The following SPCS1 variants were observed in gnomAD, a reference collection of about 807,000 sequenced individuals.
SPCS1 encodes the protein SPase 12 kDa subunit.
SPCS1 carries 10 observed loss-of-function variants against 16.4 expected under a neutral mutation model. That is an observed-to-expected ratio of 0.61 (90% CI 0.38 to 1.03). The LOEUF (loss-of-function observed/expected upper bound fraction) is 1.03, where lower values mean the gene tolerates loss of function less well. SPCS1 is among the 50% of genes least tolerant of loss of function. The pLI, the probability that SPCS1 is intolerant of heterozygous loss-of-function variation, is 0.01. For missense variants in SPCS1, 118 were observed against 123.8 expected, an observed-to-expected ratio of 0.95 and a Z score of 0.22; for synonymous variants, 47 against 42.5, an observed-to-expected ratio of 1.10 and a Z score of -0.41.
chr3:52,707,410 C>A, intron 3 of SPCS1: 1 of 295,360 alleles, frequency 3.4e-6, no homozygotes, highest in Non-Finnish European at 6.4e-6. Context: ...CCCACCTTGG[C>A]CTCCCAGAGT....
At chr3:52,707,420 T>TG in intron 3 of SPCS1, 1 of 315,824 alleles carries the variant, frequency 3.2e-6, no homozygotes, top group South Asian at 4.7e-5. Context: ...CCTCCCAGAG[T>TG]GCTTGGATTA....
rs1181184745 is a variant in SPCS1, at chr3:52,709,347, AC to A, written c.*1536del. 4 of 152,164 alleles carry A rather than the reference AC, an allele frequency of 2.6e-5. No homozygotes were observed. The highest frequency in any genetic ancestry group is 2.6e-4 in the Admixed American group (4 of 15,276). 9.4% of individuals were successfully genotyped at this position (152,164 alleles called of 1,614,324 possible). The stretch of plus-strand genomic sequence containing the variant: ...AGATGAATTAAGCACTCAAGTAAAA[AC>A]GATAAAAGTGGGAAGAAAAGATGTT... On this transcript the variant is annotated 3_prime_UTR_variant, in exon 4 of 4. Transcript: ENST00000619898.
Position 52,706,112 on chromosome 3 carries a change from A to C in SPCS1, c.-135A>C, listed in dbSNP as rs2097344380. ...GACTTCCGCTTCCGGGGCCGCCGCCATCGCTCTCCCGGGCTTAGAAGGCCC... is the reference window on the plus strand; with the variant it reads ...GACTTCCGCTTCCGGGGCCGCCGCCCTCGCTCTCCCGGGCTTAGAAGGCCC... On this transcript the variant is annotated 5_prime_UTR_variant, in exon 1 of 4. Transcript: ENST00000619898. The C allele has an allele frequency of 1.3e-6, 2 of 1,538,930 alleles. No homozygotes were observed. Among genetic ancestry groups the C allele is most frequent in the Admixed American group, 3.9e-5 (2 of 50,976 alleles).
At chr3:52,707,068 C>T in intron 3 of SPCS1, 189 bp downstream of exon 3, 1 of 602,336 alleles carries the variant, frequency 1.7e-6, no homozygotes, top group Non-Finnish European at 3.0e-6. Flanking sequence ...TAAAAGGACA[C>T]AGCTTATTTC....
Position 52,708,023 on chromosome 3 carries a change from CAG to C in SPCS1, c.*213_*214del. ...CATAATCTTGCTCTGAGATGGGGAA[CAG>C]AACACACAAGTATGAAGTTTCTTTC... On this transcript the variant is annotated 3_prime_UTR_variant, in exon 4 of 4. Transcript: ENST00000619898. 1 of 446,040 alleles carries C rather than the reference CAG, an allele frequency of 2.2e-6. No homozygotes were observed. The highest frequency in any genetic ancestry group is 3.8e-5 in the South Asian group (1 of 26,530). The allele number at this position is 446,040 out of a possible 1,614,324, so 27.6% of individuals were successfully genotyped here.
Position 52,707,810 on chromosome 3 carries a change from TGA to T in SPCS1, c.309_*1del. On this transcript the variant is annotated frameshift_variant and stop_lost, in exon 4 of 4. Transcript: ENST00000619898. LOFTEE classifies it high-confidence loss of function. ...RKIKRHAKNN[*>X] ...AATTAAGAGGCATGCTAAAAATAATTGAGGTTTTCATGATTCAGCACCTGCTT... is the reference window on the plus strand; with the variant it reads ...AATTAAGAGGCATGCTAAAAATAATTGGTTTTCATGATTCAGCACCTGCTT... 1 of 1,613,980 alleles carries T rather than the reference TGA, an allele frequency of 6.2e-7. No individual in the cohort carries two copies. Among genetic ancestry groups the T allele is most frequent in the Non-Finnish European group, 8.5e-7 (1 of 1,179,936 alleles).
chr3:52,706,352 C>T, intron 1 of SPCS1, 70 bp downstream of exon 1: 1 of 1,505,812 alleles, frequency 6.6e-7, no homozygotes, highest in Non-Finnish European at 9.0e-7. Context: ...CATGTTGGAG[C>T]ACCGACCCGG....
In SPCS1 at chr3:52,706,115, G is replaced by C. The variant is rs767485920; in HGVS notation, c.-132G>C. ...TTCCGCTTCCGGGGCCGCCGCCATC[G>C]CTCTCCCGGGCTTAGAAGGCCCGGC... On this transcript the variant is annotated 5_prime_UTR_variant, in exon 1 of 4. Transcript: ENST00000619898. 11 of 1,539,108 alleles carry C rather than the reference G, an allele frequency of 7.1e-6. No individual in the cohort carries two copies. Among genetic ancestry groups the C allele is most frequent in the African/African-American group, 1.4e-5 (1 of 72,966 alleles).
Position 52,707,925 on chromosome 3 carries a change from AT to A in SPCS1, c.*116del, listed in dbSNP as rs1398874643. ...GCTCTTATGGCACAGCTGTGTATAG[AT>A]TTAGTTCTCTTTATACTTCATTTCT... On this transcript the variant is annotated 3_prime_UTR_variant, in exon 4 of 4. Coordinates refer to ENST00000619898, the MANE Select transcript of SPCS1 (RefSeq NM_014041.5). 1 of 1,323,838 alleles carries A rather than the reference AT, an allele frequency of 7.6e-7. No homozygotes were observed. The highest frequency in any genetic ancestry group is 1.5e-5 in the African/African-American group (1 of 67,984). 82.0% of individuals were successfully genotyped at this position (1,323,838 alleles called of 1,614,324 possible). A position where few individuals can be genotyped will look rare whatever the true frequency, so the allele number is the denominator to read the frequency against.
chr3:52,706,161 C>A lies in SPCS1; in HGVS notation c.-86C>A, dbSNP rs770210832. 4 of 1,544,866 alleles carry A rather than the reference C, an allele frequency of 2.6e-6. No homozygotes were observed. Among genetic ancestry groups the A allele is most frequent in the Non-Finnish European group, 3.5e-6 (4 of 1,149,074 alleles). ...CCGGCTACTGACGCGCAGTGCCAGACCTTACCCCTCACGGTCCTTAAGTCT... is the reference window on the plus strand; with the variant it reads ...CCGGCTACTGACGCGCAGTGCCAGAACTTACCCCTCACGGTCCTTAAGTCT... On this transcript the variant is annotated 5_prime_UTR_variant, in exon 1 of 4. Coordinates refer to ENST00000619898, the MANE Select transcript of SPCS1 (RefSeq NM_014041.5).
chr3:52,707,242 T>C (rs1034830107), intron 3 of SPCS1: 18 of 214,040 alleles, frequency 8.4e-5, no homozygotes, highest in African/African-American at 4.0e-4. Context: ...CGATTTCGGC[T>C]CACTGCACCT....
rs1222551591 is a variant in SPCS1 at position 52,707,864 on chromosome 3, C to T, written c.*52C>T. 1.2e-6 allele frequency: 2 copies of T among 1,609,366 alleles called. No individual in the cohort carries two copies. Among genetic ancestry groups the T allele is most frequent in the Non-Finnish European group, 1.7e-6 (2 of 1,177,124 alleles). ...TGTTTCTGTGAGATGAGCTAAATTG[C>T]TTTCATACCCCAGATAAGAGCTAAA... On this transcript the variant is annotated 3_prime_UTR_variant, in exon 4 of 4. Transcript: ENST00000619898.
chr3:52,706,367 G>T, intron 1 of SPCS1, 85 bp downstream of exon 1: 1 of 1,410,520 alleles, frequency 7.1e-7, no homozygotes, highest in Non-Finnish European at 9.6e-7. Context: ...ACCCGGTGCT[G>T]CGCTGTTCCG....
intron 2 of SPCS1, 39 bp downstream of exon 2, chr3:52,706,742 C>G (rs755278929): frequency 1.1e-5 from 18 of 1,607,378 alleles, no homozygotes; most frequent in Non-Finnish European, 1.5e-5. Context: ...GCCCCCGCCT[C>G]CCTCCCAACC....
Position 52,710,096 on chromosome 3 carries a change from C to T in SPCS1, c.*2284C>T, listed in dbSNP as rs2097348878. 1 of 152,300 alleles carries T rather than the reference C, an allele frequency of 6.6e-6. No individual in the cohort carries two copies. The highest frequency in any genetic ancestry group is 2.1e-4 in the South Asian group (1 of 4,830). The allele number at this position is 152,300 out of a possible 1,614,324, so 9.4% of individuals were successfully genotyped here. On this transcript the variant is annotated 3_prime_UTR_variant, in exon 4 of 4. Transcript: ENST00000619898. Reference sequence around the variant, plus strand: ...CTGTTAAGTGTGCCGGGCGCGGTGGCTCACGCCTGTAATCCCAGCACTTTG... The same window carrying T: ...CTGTTAAGTGTGCCGGGCGCGGTGGTTCACGCCTGTAATCCCAGCACTTTG...
In SPCS1 at chr3:52,708,066, AAAAT is replaced by A. The variant is rs1004718346; in HGVS notation, c.*259_*262del. On this transcript the variant is annotated 3_prime_UTR_variant, in exon 4 of 4. Coordinates refer to ENST00000619898, the MANE Select transcript of SPCS1 (RefSeq NM_014041.5). Reference sequence around the variant, plus strand: ...AGTTTCTTTCAGGTGTAAATAATGAAAAATAAATGCCTCATAAATGATAGTACAA... The same window carrying A: ...AGTTTCTTTCAGGTGTAAATAATGAAAAATGCCTCATAAATGATAGTACAA... 6.5e-6 allele frequency: 2 copies of A among 309,998 alleles called. No homozygotes were observed. Among genetic ancestry groups the A allele is most frequent in the Non-Finnish European group, 6.0e-6 (1 of 165,370 alleles). The allele number at this position is 309,998 out of a possible 1,614,324, so 19.2% of individuals were successfully genotyped here. A position where few individuals can be genotyped will look rare whatever the true frequency, so the allele number is the denominator to read the frequency against.
Position 52,708,620 on chromosome 3 carries a change from C to T in SPCS1, c.*808C>T, listed in dbSNP as rs1193566760. ...TATAAAACATTTCCATCACAAAGTTCCATTTATCAGATCTTATATAGAACC... is the reference window on the plus strand; with the variant it reads ...TATAAAACATTTCCATCACAAAGTTTCATTTATCAGATCTTATATAGAACC... On this transcript the variant is annotated 3_prime_UTR_variant, in exon 4 of 4. Coordinates refer to ENST00000619898, the MANE Select transcript of SPCS1 (RefSeq NM_014041.5). 6.6e-6 allele frequency: 1 copy of T among 152,068 alleles called. No homozygotes were observed. Among genetic ancestry groups the T allele is most frequent in the Non-Finnish European group, 1.5e-5 (1 of 68,020 alleles). 9.4% of individuals were successfully genotyped at this position (152,068 alleles called of 1,614,324 possible).
Position 52,708,788 on chromosome 3 carries a change from T to G in SPCS1, c.*976T>G. On this transcript the variant is annotated 3_prime_UTR_variant, in exon 4 of 4. Transcript: ENST00000619898. ...AGCAGTAAAGGTTGTGCAGGTGATA[T>G]TCAGTAACACTGCAGTGTAGCCAGA... 6.6e-6 allele frequency: 1 copy of G among 151,964 alleles called. No homozygotes were observed. Among genetic ancestry groups the G allele is most frequent in the East Asian group, 1.9e-4 (1 of 5,196 alleles). The allele number at this position is 151,964 out of a possible 1,614,324, so 9.4% of individuals were successfully genotyped here.
chr3:52,707,443 A>G (rs919662338), intron 3 of SPCS1: 49 of 375,834 alleles, frequency 1.3e-4, no homozygotes, highest in African/African-American at 8.6e-4. Flanking sequence ...GGCGAGAGCC[A>G]CCACGCCTGG....
Sources: allele counts gnomAD v4.1 joint callset, GRCh38; gene constraint gnomAD v4.1.1; transcripts MANE v1.5; gene names NCBI Gene and HGNC (gene_info 2026-07-23, HGNC 2026-07-21).